TMCO4: variants seen among roughly 807,000 people sequenced by gnomAD.
TMCO4 encodes transmembrane and coiled-coil domains 4.
Under a neutral mutation model 64.7 loss-of-function variants are expected in TMCO4, and 58 were observed. That is an observed-to-expected ratio of 0.90 (90% CI 0.73 to 1.12). The LOEUF (loss-of-function observed/expected upper bound fraction) is 1.12. Among genes scored for constraint, TMCO4 ranks in the 50% most tolerant of loss-of-function variants. The probability of loss-of-function intolerance (pLI) is 0.00; values close to 1 mark genes in which losing one functional copy is unlikely to be tolerated. For synonymous variants in TMCO4, 325 were observed against 346.1 expected (o/e 0.94, Z 0.68); for missense variants, 780 against 825.9 (o/e 0.94, Z 0.68).
chr1:19,700,534 C>T (rs2095264881), intron 14 of TMCO4, among the ~76,000 whole-genome samples: 1 of 121,740 alleles, frequency 8.2e-6, no homozygotes, highest in African/African-American at 2.6e-5. Context: ...AGGCCTGACA[C>T]AGAAACATCT....
At chr1:19,695,715 C>T (rs879617046) in intron 14 of TMCO4, among the ~76,000 whole-genome samples, 14 of 152,116 alleles carry the variant, frequency 9.2e-5, no homozygotes, top group Non-Finnish European at 1.6e-4. Flanking sequence ...AGCTCTGACC[C>T]TCTGTGGTCT....
In TMCO4 at chr1:19,701,402, C is replaced by T. The variant is rs543441908; in HGVS notation, c.1265-517G>A. Among the ~76,000 whole-genome samples the T allele has an allele frequency of 1.2e-4, 18 of 152,298 alleles. No individual in the cohort carries two copies. The East Asian group carries it at 3.5e-3, about 29-fold the overall frequency. ...GGCCAGTCTGGTCTCCAACTCCTGA[C>T]CTCAGGTGATCCACCCGCCTTGGCC... is the stretch of plus-strand genomic sequence containing the variant. On this transcript the variant is annotated intron_variant, in intron 13 of 15. Transcript: ENST00000294543.
chr1:19,766,819 T>C (rs1265032085), intron 6 of TMCO4, among the ~76,000 whole-genome samples: 1 of 152,224 alleles, frequency 6.6e-6, no homozygotes, highest in Non-Finnish European at 1.5e-5. Flanking sequence ...ATAAAGAGGT[T>C]GGACATGACA....
chr1:19,725,314 G>C (rs1215432964), intron 13 of TMCO4, among the ~76,000 whole-genome samples: 4 of 152,140 alleles, frequency 2.6e-5, no homozygotes, highest in Non-Finnish European at 5.9e-5. Flanking sequence ...GCAATATGTT[G>C]AATTAATTCC....
intron 9 of TMCO4, 58 bp downstream of exon 9, chr1:19,746,398 G>A: frequency 6.2e-7 from 1 of 1,601,770 alleles, no homozygotes. Flanking sequence ...GTCCTTTTAG[G>A]AACTGGGCCA....
chr1:19,794,138 C>T (rs1470853782), intron 2 of TMCO4, among the ~76,000 whole-genome samples: 3 of 152,142 alleles, frequency 2.0e-5, no homozygotes, highest in East Asian at 3.9e-4. Flanking sequence ...CTCACACAGA[C>T]TTTGCATTGG....
At chr1:19,781,839 G>T (rs898945096) in intron 3 of TMCO4, among the ~76,000 whole-genome samples, 1 of 151,976 alleles carries the variant, frequency 6.6e-6, no homozygotes, top group African/African-American at 2.4e-5. Context: ...GTAGAGACGG[G>T]GTTTCACTGT....
chr1:19,711,701 A>T (rs1280473326), intron 13 of TMCO4, among the ~76,000 whole-genome samples: 3 of 151,370 alleles, frequency 2.0e-5, no homozygotes, highest in Non-Finnish European at 4.4e-5. Flanking sequence ...CTTGTTGCCC[A>T]GGCTGGATTG....
At position 19,765,849 on chromosome 1, in the gene TMCO4, C is replaced by T. The variant is rs117591340; in HGVS notation, c.382+4693G>A. Among the ~76,000 whole-genome samples, 196 of 152,274 alleles carry T rather than the reference C, an allele frequency of 1.3e-3. 5 individuals are homozygous for T. The East Asian group carries it at 0.031, about 24-fold the overall frequency. On this transcript the variant is annotated intron_variant, in intron 6 of 15. Transcript: ENST00000294543. Reference sequence around the variant, plus strand: ...CAGCTTTTCATGCTAATTTCCTGGGCTGACTCCGTGACTAATCAGCCCGTC... The same window carrying T: ...CAGCTTTTCATGCTAATTTCCTGGGTTGACTCCGTGACTAATCAGCCCGTC...
intron 13 of TMCO4, among the ~76,000 whole-genome samples, chr1:19,733,183 C>T (rs2095437525): frequency 6.6e-6 from 1 of 152,074 alleles, no homozygotes. Flanking sequence ...AGGAGAATTG[C>T]TTGAACCTGG....
At chr1:19,776,608 C>G (rs2043213418) in intron 4 of TMCO4, among the ~76,000 whole-genome samples, 1 of 152,228 alleles carries the variant, frequency 6.6e-6, no homozygotes, top group African/African-American at 2.4e-5. Context: ...CTGCAAGGGC[C>G]ATCAACACAT....
chr1:19,717,338 A>T (rs543061788), intron 13 of TMCO4, among the ~76,000 whole-genome samples: 1 of 152,302 alleles, frequency 6.6e-6, no homozygotes, highest in Admixed American at 6.5e-5. Context: ...ACCTGGTGGA[A>T]ATGGGGTCTG....
In TMCO4 at chr1:19,753,563, T is replaced by C. The variant is rs988939096; in HGVS notation, c.515+2071A>G. On this transcript the variant is annotated intron_variant, in intron 7 of 15. Transcript: ENST00000294543. The stretch of plus-strand genomic sequence containing the variant: ...CAAAGAGTCACCTTGGTCGGCCCAG[T>C]GATGAACTCACCTCCCAGAAACACA... Among the ~76,000 whole-genome samples, 3 of 152,128 alleles carry C rather than the reference T, an allele frequency of 2.0e-5. No homozygotes were observed. The East Asian group carries it at 5.8e-4, about 29-fold the overall frequency.
In TMCO4 at chr1:19,685,732, G is replaced by A. The variant is rs1315573784; in HGVS notation, c.1501-2288C>T. ...TTTCTTTTTTTTTTTTTTTTTTTTT[G>A]AGACAGAGTCTCGCTCTGTTGCCCA... On this transcript the variant is annotated intron_variant, in intron 15 of 15. Coordinates refer to ENST00000294543, the MANE Select transcript of TMCO4 (RefSeq NM_181719.7). 1.5e-4 allele frequency among the ~76,000 whole-genome samples: 4 copies of A among 26,490 alleles called. No individual in the cohort carries two copies. In the East Asian group the frequency reaches 2.2e-3, roughly 15 times the overall value. The allele number at this position is 26,490 out of a possible 152,430, so 17.4% of individuals were successfully genotyped here. A position where few individuals can be genotyped will look rare whatever the true frequency, so the allele number is the denominator to read the frequency against.
intron 6 of TMCO4, among the ~76,000 whole-genome samples, chr1:19,763,178 C>A (rs143585418): frequency 6.6e-6 from 1 of 151,926 alleles, no homozygotes; most frequent in African/African-American, 2.4e-5. Context: ...AGGGTTCAAG[C>A]GATTCTTGTT....
At chr1:19,750,423 T>G (rs1208533785) in intron 7 of TMCO4, 2 of 152,244 alleles carry the variant, frequency 1.3e-5, no homozygotes, top group Non-Finnish European at 2.9e-5. Flanking sequence ...ATGAACTTGC[T>G]GGATCATCTA....
chr1:19,753,818 T>C (rs2042126035), intron 7 of TMCO4, among the ~76,000 whole-genome samples: 1 of 152,128 alleles, frequency 6.6e-6, no homozygotes, highest in Admixed American at 6.6e-5. Flanking sequence ...TCCCTAACGC[T>C]GCATAAACAA....
At position 19,682,986 on chromosome 1, in the gene TMCO4, AAG is replaced by A; in HGVS notation, c.*52_*53del. The A allele has an allele frequency of 2.0e-6, 3 of 1,524,390 alleles. No homozygotes were observed. Among genetic ancestry groups the A allele is most frequent in the Non-Finnish European group, 2.6e-6 (3 of 1,139,362 alleles). The allele number at this position is 1,524,390 out of a possible 1,614,324, so 94.4% of individuals were successfully genotyped here. A position where few individuals can be genotyped will look rare whatever the true frequency, so the allele number is the denominator to read the frequency against. ...GCTCCTGGGAGGAACCCGAGGGTAT[AAG>A]AGAGAGCTGCATATGGAGACTGGGG... On this transcript the variant is annotated 3_prime_UTR_variant, in exon 16 of 16. Transcript: ENST00000294543.
Position 19,683,250 on chromosome 1 carries a change from G to A in TMCO4, c.1695C>T (p.Pro565=). 1 of 1,614,208 alleles carries A rather than the reference G, an allele frequency of 6.2e-7. No homozygotes were observed. The change falls in exon 16 of 16, where the codon CCC becomes CCT. Residue 565 remains proline, a synonymous_variant. Coordinates refer to ENST00000294543, the MANE Select transcript of TMCO4 (RefSeq NM_181719.7). ...CCAATTTGGAGGTGTCTCCGGATAT[G>A]GGACCCTGGGTTTGCCCAACCTGGT... ...TPHQVGQTQG[P]ISGDTSKLAM...
Sources: gnomAD v4.1 joint callset for allele counts (sites outside exome capture counted in the v4.1 genomes callset) on GRCh38, gnomAD v4.1.1 for gene constraint, MANE v1.5 for transcripts, NCBI Gene and HGNC (gene_info 2026-07-23, HGNC 2026-07-21) for gene names.